Variants in TDRD3 observed in about 807,000 individuals in gnomAD.
TDRD3 encodes the protein tudor domain-containing protein 3.
Under a neutral mutation model 86.7 loss-of-function variants are expected in TDRD3, and 45 were observed. That is an observed-to-expected ratio of 0.52 (90% CI 0.41 to 0.67). The LOEUF (loss-of-function observed/expected upper bound fraction) is 0.67. Among genes scored for constraint, TDRD3 ranks in the 30% least tolerant of loss-of-function variants. The pLI, the probability that TDRD3 is intolerant of heterozygous loss-of-function variation, is 0.00. For missense variants in TDRD3, 814 were observed against 889.0 expected (o/e 0.92, Z 1.07); for synonymous variants, 298 against 301.7 (o/e 0.99, Z 0.13).
At chr13:60,558,692 TTTTGA>T (rs1217520734) in intron 12 of TDRD3, among the ~76,000 whole-genome samples, 1 of 152,156 alleles carries the variant, frequency 6.6e-6, no homozygotes, top group African/African-American at 2.4e-5. Context: ...TGTCTGTAAC[TTTTGA>T]TTGATCATTT....
intron 5 of TDRD3, among the ~76,000 whole-genome samples, chr13:60,478,319 T>TTTG (rs1566226452): frequency 5.0e-5 from 5 of 100,598 alleles, no homozygotes; most frequent in South Asian, 6.6e-4. Flanking sequence ...TTTTTTTTTT[T>TTTG]GAGACAGAGT....
At chr13:60,465,217 T>A (rs892617915) in intron 4 of TDRD3, among the ~76,000 whole-genome samples, 1 of 152,190 alleles carries the variant, frequency 6.6e-6, no homozygotes, top group Non-Finnish European at 1.5e-5. Flanking sequence ...AGGTAAATGA[T>A]CTAATTCATT....
intron 10 of TDRD3, among the ~76,000 whole-genome samples, chr13:60,523,469 A>G (rs931711543): frequency 1.3e-5 from 2 of 151,954 alleles, no homozygotes; most frequent in African/African-American, 2.4e-5. Context: ...TACTAAACTC[A>G]TATAGCATTC....
At chr13:60,482,109 G>A (rs566748757) in intron 5 of TDRD3, among the ~76,000 whole-genome samples, 3 of 152,172 alleles carry the variant, frequency 2.0e-5, no homozygotes, top group Non-Finnish European at 4.4e-5. Flanking sequence ...ACAACTCTCA[G>A]TTGTTTTTTG....
chr13:60,446,684 T>C (rs761006536), intron 3 of TDRD3, among the ~76,000 whole-genome samples: 1 of 152,178 alleles, frequency 6.6e-6, no homozygotes, highest in Non-Finnish European at 1.5e-5. Context: ...GGTTTGTCTT[T>C]AGCTAAAAAT....
rs141151164 is a variant in TDRD3 at position 60,417,291 on chromosome 13, C to T, written c.41+19886C>T. Among the ~76,000 whole-genome samples the T allele has an allele frequency of 6.6e-4, 100 of 151,966 alleles. 1 individual carries two copies. In the East Asian group the frequency reaches 0.017, roughly 26 times the overall value. On this transcript the variant is annotated intron_variant, in intron 1 of 13. Transcript: ENST00000377881. ...TCAGCCTCCCAAAGTGCTCGGATTA[C>T]AGGTGTGAGCCATTGTACTTGACCC...
rs183444771 is a variant in TDRD3 at position 60,534,907 on chromosome 13, G to A, written c.1993-201G>A. Among the ~76,000 whole-genome samples, 1,183 of 134,978 alleles carry A rather than the reference G, an allele frequency of 8.8e-3. 16 individuals are homozygous for A. Among genetic ancestry groups the A allele is most frequent in the African/African-American group, 0.032 (1,126 of 35,560 alleles). The allele number at this position is 134,978 out of a possible 152,430, so 88.6% of individuals were successfully genotyped here. On this transcript the variant is annotated intron_variant, in intron 11 of 13. Coordinates refer to ENST00000377881, the MANE Select transcript of TDRD3 (RefSeq NM_001146070.2). ...CTTGCTATTGCACTCCAGCCTGGGC[G>A]ACAGAGCAAGACCCTGTCTCAAAAA... is the stretch of plus-strand genomic sequence containing the variant.
chr13:60,445,220 C>T (rs143042273), intron 3 of TDRD3, among the ~76,000 whole-genome samples: 6,801 of 152,176 alleles, frequency 0.045, 208 homozygotes, highest in Non-Finnish European at 0.065. Flanking sequence ...CATATGTATT[C>T]GTGTTATGAA....
chr13:60,553,026 T>C (rs142714803), intron 12 of TDRD3, among the ~76,000 whole-genome samples: 336 of 152,316 alleles, frequency 2.2e-3, no homozygotes, highest in African/African-American at 7.6e-3. Flanking sequence ...CTAGAGACAT[T>C]TTCCCCATTG....
intron 5 of TDRD3, among the ~76,000 whole-genome samples, chr13:60,474,621 GC>G (rs1956145874): frequency 2.0e-5 from 3 of 150,256 alleles, no homozygotes; most frequent in Admixed American, 2.0e-4. Flanking sequence ...ACAATTATAT[GC>G]TTTCATGTAC....
chr13:60,416,008 A>C (rs1413791278), intron 1 of TDRD3, among the ~76,000 whole-genome samples: 1 of 152,168 alleles, frequency 6.6e-6, no homozygotes, highest in Non-Finnish European at 1.5e-5. Context: ...TCAGTTAATA[A>C]TGTTTATTAG....
In TDRD3 at chr13:60,476,778, T is replaced by G. The variant is rs75941763; in HGVS notation, c.496-6997T>G. On this transcript the variant is annotated intron_variant, in intron 5 of 13. Coordinates refer to ENST00000377881, the MANE Select transcript of TDRD3 (RefSeq NM_001146070.2). Reference sequence around the variant, plus strand: ...CTCATTGTAGAGATCTTTCGCCTCTTTGTTAAGCTGTATTCCTAGGTATTT... The same window carrying G: ...CTCATTGTAGAGATCTTTCGCCTCTGTGTTAAGCTGTATTCCTAGGTATTT... Among the ~76,000 whole-genome samples, 1,505 of 152,284 alleles carry G rather than the reference T, an allele frequency of 9.9e-3. 12 individuals carry two copies. Among genetic ancestry groups the G allele is most frequent in the South Asian group, 0.038 (182 of 4,828 alleles).
At chr13:60,431,285 A>G (rs1368189623) in intron 1 of TDRD3, among the ~76,000 whole-genome samples, 1 of 152,040 alleles carries the variant, frequency 6.6e-6, no homozygotes, top group Admixed American at 6.6e-5. Context: ...TACTTGTGAA[A>G]CAAGGTTGTC....
intron 10 of TDRD3, among the ~76,000 whole-genome samples, chr13:60,517,976 G>T (rs1312724285): frequency 6.6e-6 from 1 of 152,134 alleles, no homozygotes; most frequent in African/African-American, 2.4e-5. Flanking sequence ...AAAAACCCTG[G>T]TCTTTCACTA....
chr13:60,441,380 C>T lies in TDRD3; in HGVS notation c.126+1608C>T, dbSNP rs113785707. ...CAGGATGAAGTATTTGTGCTGTGTT[C>T]GTAAGAGGTGCATGCTGACTATTAT... On this transcript the variant is annotated intron_variant, in intron 2 of 13. Coordinates refer to ENST00000377881, the MANE Select transcript of TDRD3 (RefSeq NM_001146070.2). Among the ~76,000 whole-genome samples the T allele has an allele frequency of 3.4e-3, 518 of 151,888 alleles. 4 individuals carry two copies. The highest frequency in any genetic ancestry group is 0.012 in the African/African-American group (491 of 41,432).
At chr13:60,412,414 T>A (rs1323170010) in intron 1 of TDRD3, among the ~76,000 whole-genome samples, 1 of 152,192 alleles carries the variant, frequency 6.6e-6, no homozygotes, top group African/African-American at 2.4e-5. Flanking sequence ...TTAGTGATAA[T>A]CTTACGTTTG....
At chr13:60,485,561 G>A (rs1392251513) in intron 6 of TDRD3, among the ~76,000 whole-genome samples, 1 of 151,918 alleles carries the variant, frequency 6.6e-6, no homozygotes, top group Non-Finnish European at 1.5e-5. Context: ...TATGTGCCCT[G>A]TTTAGATAGC....
intron 5 of TDRD3, among the ~76,000 whole-genome samples, chr13:60,480,418 A>AT (rs1245154713): frequency 2.0e-5 from 3 of 151,796 alleles, no homozygotes; most frequent in African/African-American, 4.8e-5. Flanking sequence ...TGCCTGTATG[A>AT]TTTTTTTCTT....
Position 60,564,331 on chromosome 13 carries a change from A to T in TDRD3, c.2119-3194A>T, listed in dbSNP as rs372499760. Among the ~76,000 whole-genome samples, 8 of 152,224 alleles carry T rather than the reference A, an allele frequency of 5.3e-5. No homozygotes were observed. The East Asian group carries it at 1.2e-3, about 22-fold the overall frequency. Reference sequence around the variant, plus strand: ...GAGACTTCAATCAAATACATTTAAGAAATACATTGGTTTGGTCAAGGCGGG... The same window carrying T: ...GAGACTTCAATCAAATACATTTAAGTAATACATTGGTTTGGTCAAGGCGGG... On this transcript the variant is annotated intron_variant, in intron 12 of 13. Transcript: ENST00000377881.
Sources: gnomAD v4.1 joint callset for allele counts (sites outside exome capture counted in the v4.1 genomes callset) on GRCh38, gnomAD v4.1.1 for gene constraint, MANE v1.5 for transcripts, NCBI Gene and HGNC (gene_info 2026-07-23, HGNC 2026-07-21) for gene names.